The following GRK5 variants were observed in gnomAD, a reference collection of about 807,000 sequenced individuals.
The protein encoded by GRK5 is g protein-coupled receptor kinase GRK5.
Under a neutral mutation model 78.4 loss-of-function variants are expected in GRK5, and 40 were observed. The ratio of observed to expected loss-of-function variants is 0.51; its 90% CI spans 0.40 to 0.66. The LOEUF is 0.66. Ranked by LOEUF, GRK5 falls within the 30% of genes least tolerant of loss-of-function variation. GRK5 has a pLI of 0.00. For synonymous variants in GRK5, 289 were observed against 296.8 expected (o/e 0.97, Z 0.27); for missense variants, 598 against 759.9 (o/e 0.79, Z 2.50).
chr10:119,362,002 C>G (rs1464959603), intron 2 of GRK5, among the ~76,000 whole-genome samples: 3 of 150,938 alleles, frequency 2.0e-5, no homozygotes, highest in Non-Finnish European at 2.9e-5. Context: ...AATTGAAAGG[C>G]AGCCTTGACC....
chr10:119,454,834 TG>T, intron 15 of GRK5, 134 bp from the exon 16 acceptor site: 1 of 628,624 alleles, frequency 1.6e-6, no homozygotes, highest in East Asian at 2.7e-5. Context: ...CCCTTGTACC[TG>T]GCTCTGAGGG....
chr10:119,354,218 C>T (rs1230142032), intron 2 of GRK5, among the ~76,000 whole-genome samples: 2 of 151,808 alleles, frequency 1.3e-5, no homozygotes, highest in Non-Finnish European at 2.9e-5. Context: ...CATCACCTCT[C>T]ATAGTTACCT....
At chr10:119,363,148 G>A (rs535144290) in intron 2 of GRK5, among the ~76,000 whole-genome samples, 2 of 151,936 alleles carry the variant, frequency 1.3e-5, no homozygotes, top group Non-Finnish European at 2.9e-5. Flanking sequence ...GGGAGTGGTG[G>A]CAGACGCCTG....
Position 119,378,475 on chromosome 10 carries a change from G to A in GRK5, c.149-2340G>A, listed in dbSNP as rs767435617. Among the ~76,000 whole-genome samples, 2 of 152,192 alleles carry A rather than the reference G, an allele frequency of 1.3e-5. No individual in the cohort carries two copies. Among genetic ancestry groups the A allele is most frequent in the Admixed American group, 6.5e-5 (1 of 15,280 alleles). ...TTCTTCAACATACGCTACTTAGACCGGGCGAATTCCTCCCAAAAAAACCTT... is the reference window on the plus strand; with the variant it reads ...TTCTTCAACATACGCTACTTAGACCAGGCGAATTCCTCCCAAAAAAACCTT... On this transcript the variant is annotated intron_variant, in intron 2 of 15. Transcript: ENST00000392870. This position sits in a 1 kb window ranked among gnomAD's most constrained non-coding sequence, Gnocchi z 4.5.
intron 1 of GRK5, among the ~76,000 whole-genome samples, chr10:119,292,877 T>C (rs1040907091): frequency 6.6e-6 from 1 of 151,784 alleles, no homozygotes. Flanking sequence ...ATGTTTTCAA[T>C]CCATGGTTGA....
intron 1 of GRK5, among the ~76,000 whole-genome samples, chr10:119,321,334 A>G (rs1850581219): frequency 6.6e-6 from 1 of 152,190 alleles, no homozygotes; most frequent in South Asian, 2.1e-4. Context: ...GGATTAAAAC[A>G]CCACACATTT....
rs1215151397 is a variant in GRK5 at position 119,453,325 on chromosome 10, G to C, written c.1674+49G>C. 3 of 1,608,576 alleles carry C rather than the reference G, an allele frequency of 1.9e-6. No individual in the cohort carries two copies. In the Admixed American group the frequency reaches 5.0e-5, roughly 27 times the overall value. ...TCCTGGCATCAGCTCCGAGACCCCTGGCTCACTTCCATGGGAAACGAGAAG... is the reference window on the plus strand; with the variant it reads ...TCCTGGCATCAGCTCCGAGACCCCTCGCTCACTTCCATGGGAAACGAGAAG... On this transcript the variant is annotated intron_variant, in intron 15 of 15. Coordinates refer to ENST00000392870, the MANE Select transcript of GRK5 (RefSeq NM_005308.3).
chr10:119,412,131 G>A lies in GRK5; in HGVS notation c.340-11035G>A, dbSNP rs11198911. 0.075 allele frequency among the ~76,000 whole-genome samples: 11,383 copies of A among 152,124 alleles called. 632 individuals are homozygous for A. The highest frequency in any genetic ancestry group is 0.22 in the East Asian group (1,147 of 5,162). Reference sequence around the variant, plus strand: ...CTCCCAAAGTGCTGGGATTCCAGGCGTGAGCCACTGCGCCCGGCCTCAGAT... The same window carrying A: ...CTCCCAAAGTGCTGGGATTCCAGGCATGAGCCACTGCGCCCGGCCTCAGAT... On this transcript the variant is annotated intron_variant, in intron 4 of 15. Coordinates refer to ENST00000392870, the MANE Select transcript of GRK5 (RefSeq NM_005308.3). The surrounding 1 kb of genome is among the most constrained non-coding windows in gnomAD (Gnocchi z 4.3).
intron 3 of GRK5, among the ~76,000 whole-genome samples, chr10:119,389,551 G>A (rs562679307): frequency 3.0e-4 from 45 of 152,278 alleles, no homozygotes; most frequent in African/African-American, 6.0e-4. Flanking sequence ...TGCCCCACCC[G>A]CATTCCCAAA....
chr10:119,277,628 G>T (rs191052764), intron 1 of GRK5, among the ~76,000 whole-genome samples: 1 of 152,226 alleles, frequency 6.6e-6, no homozygotes, highest in East Asian at 1.9e-4. Context: ...GAGAAGTTAG[G>T]ATATATCCAT....
chr10:119,224,169 T>TAAAA (rs1848698996), intron 1 of GRK5, among the ~76,000 whole-genome samples: 1 of 151,500 alleles, frequency 6.6e-6, no homozygotes, highest in Admixed American at 6.6e-5. Flanking sequence ...CCCTGTCTCT[T>TAAAA]AAAAAACAAA....
At chr10:119,282,603 A>G (rs1175720136) in intron 1 of GRK5, among the ~76,000 whole-genome samples, 1 of 152,212 alleles carries the variant, frequency 6.6e-6, no homozygotes, top group African/African-American at 2.4e-5. Flanking sequence ...ACTATCGAGC[A>G]GATGGATCAA....
intron 1 of GRK5, among the ~76,000 whole-genome samples, chr10:119,275,629 A>T (rs1170504973): frequency 6.6e-6 from 1 of 151,780 alleles, no homozygotes; most frequent in African/African-American, 2.4e-5. Context: ...ACACACACAC[A>T]CACACACACA....
chr10:119,365,423 A>C (rs1304075934), intron 2 of GRK5, among the ~76,000 whole-genome samples: 1 of 152,208 alleles, frequency 6.6e-6, no homozygotes, highest in Non-Finnish European at 1.5e-5. Flanking sequence ...TGTGGCATCG[A>C]TCACAGGCCT....
At chr10:119,384,095 C>A (rs1851755625) in intron 3 of GRK5, among the ~76,000 whole-genome samples, 1 of 152,146 alleles carries the variant, frequency 6.6e-6, no homozygotes, top group African/African-American at 2.4e-5. Context: ...TGTGTTCTGG[C>A]CCGACCACCC....
At chr10:119,369,418 C>T (rs1483270695) in intron 2 of GRK5, among the ~76,000 whole-genome samples, 2 of 152,288 alleles carry the variant, frequency 1.3e-5, no homozygotes, top group African/African-American at 2.4e-5. Context: ...CGCCACAGGC[C>T]ACGCAGGGTA....
At chr10:119,279,796 C>T (rs1456405774) in intron 1 of GRK5, among the ~76,000 whole-genome samples, 3 of 152,382 alleles carry the variant, frequency 2.0e-5, no homozygotes. Context: ...GAGGAGCCTA[C>T]TCCATTCTCT....
intron 1 of GRK5, among the ~76,000 whole-genome samples, chr10:119,225,112 G>GAA (rs1441261995): frequency 2.7e-5 from 4 of 150,852 alleles, no homozygotes; most frequent in Admixed American, 2.6e-4. Flanking sequence ...AAATAAACAG[G>GAA]AAAAAAACCC....
In GRK5 at chr10:119,458,147, G is replaced by T. The variant is rs374711893; in HGVS notation, c.*3080G>T. 6.6e-6 allele frequency: 1 copy of T among 152,214 alleles called. No individual in the cohort carries two copies. Among genetic ancestry groups the T allele is most frequent in the Non-Finnish European group, 1.5e-5 (1 of 68,038 alleles). The allele number at this position is 152,214 out of a possible 1,614,324, so 9.4% of individuals were successfully genotyped here. On this transcript the variant is annotated 3_prime_UTR_variant, in exon 16 of 16. Coordinates refer to ENST00000392870, the MANE Select transcript of GRK5 (RefSeq NM_005308.3). ...TCACAGAAGAGTCTTTCTTGCTCCA[G>T]GCATGACATTTTTTTTCACCAGACG...
Sources: allele counts gnomAD v4.1 joint callset (sites outside exome capture counted in the v4.1 genomes callset), GRCh38; gene constraint gnomAD v4.1.1; non-coding constraint Gnocchi (gnomAD v3.1); transcripts MANE v1.5; gene names NCBI Gene and HGNC (gene_info 2026-07-23, HGNC 2026-07-21).